The following RUFY1 variants were observed in gnomAD, a reference collection of about 807,000 sequenced individuals.
The protein encoded by RUFY1 is RUN and FYVE domain-containing protein 1.
RUFY1 carries 54 observed loss-of-function variants against 94.6 expected under a neutral mutation model. The observed-to-expected ratio is 0.57, with a 90% CI of 0.46 to 0.72. The LOEUF (loss-of-function observed/expected upper bound fraction) is 0.72, where lower values mean the gene tolerates loss of function less well. Ranked by LOEUF, RUFY1 falls within the 30% of genes least tolerant of loss-of-function variation. The probability of loss-of-function intolerance (pLI) is 0.00; values close to 1 mark genes in which losing one functional copy is unlikely to be tolerated. For synonymous variants in RUFY1, 396 were observed against 347.3 expected, an observed-to-expected ratio of 1.14 and a Z score of -1.56; for missense variants, 883 against 883.9, an observed-to-expected ratio of 1.00 and a Z score of 0.01.
At chr5:179,590,807 A>G (rs1266602294) in intron 9 of RUFY1, 1 of 151,174 alleles carries the variant, frequency 6.6e-6, no homozygotes, top group African/African-American at 2.4e-5. Flanking sequence ...TGTTTTAAAG[A>G]AAATTAAATT....
chr5:179,596,434 C>A, intron 12 of RUFY1, 128 bp from the exon 13 acceptor site: 1 of 1,179,468 alleles, frequency 8.5e-7, no homozygotes, highest in Non-Finnish European at 1.3e-6. Context: ...GCTGAATCTC[C>A]ACGTGTTAAA....
intron 10 of RUFY1, 60 bp from the exon 11 acceptor site, chr5:179,593,418 A>T (rs1581523648): frequency 2.6e-6 from 4 of 1,549,134 alleles, no homozygotes; most frequent in Non-Finnish European, 3.5e-6. Context: ...ATTCAACCCC[A>T]GTTAAATACA....
intron 17 of RUFY1, among the ~76,000 whole-genome samples, chr5:179,608,975 T>A (rs1362308762): frequency 6.7e-6 from 1 of 148,614 alleles, no homozygotes; most frequent in Non-Finnish European, 1.5e-5. Context: ...CCCAACACTT[T>A]GGGAGGCCAA....
chr5:179,562,489 TC>T, intron 2 of RUFY1, 57 bp from the exon 3 acceptor site: 1 of 934,354 alleles, frequency 1.1e-6, no homozygotes, highest in Non-Finnish European at 1.8e-6. Context: ...AGGCTGTGGG[TC>T]CCTGAAGAAA....
intron 15 of RUFY1, among the ~76,000 whole-genome samples, chr5:179,605,425 G>C (rs778188640): frequency 6.6e-6 from 1 of 152,238 alleles, no homozygotes; most frequent in African/African-American, 2.4e-5. Flanking sequence ...CAAGAATGGA[G>C]CAAGAACAAA....
chr5:179,602,223 C>T, intron 15 of RUFY1: 1 of 527,448 alleles, frequency 1.9e-6, no homozygotes, highest in Non-Finnish European at 3.4e-6. Context: ...ACGTTCATTC[C>T]TAGTGACCAG....
intron 8 of RUFY1, among the ~76,000 whole-genome samples, chr5:179,587,485 G>A (rs185695174): frequency 8.2e-5 from 12 of 146,994 alleles, no homozygotes; most frequent in South Asian, 6.5e-4. Context: ...TCCACCTCCC[G>A]GGTTCACGCC....
rs757541399 is a variant in RUFY1, at chr5:179,589,632, T to A, written c.1113T>A (p.Ser371Arg). The A allele has an allele frequency of 1.9e-6, 3 of 1,612,654 alleles. No homozygotes were observed. The East Asian group carries it at 6.7e-5, about 36-fold the overall frequency. The part of the protein sequence containing the change: ...REQNELIRER[S>R]EKSVEITKQD... ...AAAATGAATTAATTCGAGAAAGAAG[T>A]GAAAAGAGTGTAGAGGTGAGAAATT... The change falls in exon 9 of 18, where the codon AGT (serine) becomes AGA (arginine). Residue 371 changes from serine to arginine, a missense_variant. By Grantham distance (110) the Ser-to-Arg change is moderately radical. Transcript: ENST00000319449.
At chr5:179,574,575 C>T (rs1013429273) in intron 5 of RUFY1, among the ~76,000 whole-genome samples, 6 of 152,132 alleles carry the variant, frequency 3.9e-5, no homozygotes, top group Admixed American at 1.3e-4. Context: ...TAACTTTTAG[C>T]ATAGTTTTGA....
chr5:179,562,267 C>T (rs192147346), intron 2 of RUFY1, among the ~76,000 whole-genome samples: 282 of 151,960 alleles, frequency 1.9e-3, no homozygotes, highest in African/African-American at 6.6e-3. Flanking sequence ...CAAAATTAGC[C>T]CGGCGTTGTG....
chr5:179,600,224 G>C (rs899713750), intron 14 of RUFY1: 1 of 152,204 alleles, frequency 6.6e-6, no homozygotes, highest in Admixed American at 6.5e-5. Context: ...CAGAAGCTAC[G>C]GCACAGGGTG....
At chr5:179,567,622 G>A in intron 4 of RUFY1, 60 bp downstream of exon 4, 1 of 1,251,872 alleles carries the variant, frequency 8.0e-7, no homozygotes, top group Non-Finnish European at 1.2e-6. Flanking sequence ...ACATAGGCTG[G>A]GTGCGGTGGC....
At chr5:179,578,794 G>A (rs553037530) in intron 6 of RUFY1, among the ~76,000 whole-genome samples, 1 of 151,572 alleles carries the variant, frequency 6.6e-6, no homozygotes, top group South Asian at 2.1e-4. Context: ...ACAGACATGT[G>A]CCACCATGCC....
In RUFY1 at chr5:179,605,880, A is replaced by G; in HGVS notation, c.1861A>G (p.Lys621Glu). The G allele has an allele frequency of 1.9e-6, 3 of 1,605,368 alleles. No homozygotes were observed. Among genetic ancestry groups the G allele is most frequent in the Non-Finnish European group, 1.7e-6 (2 of 1,175,868 alleles). ...TGGCCTTTTTTTTTTCCTTAGGTCC[A>G]AGCTGAAGATGGAAGATATAAAAGA... The part of the protein sequence containing the change: ...QEMGLHLSQS[K>E]LKMEDIKEVN... Residue 621 changes from lysine to glutamate, a missense_variant, in exon 16 of 18, where the codon AAG becomes GAG. Lys to Glu is a moderately conservative substitution (Grantham distance 56). Transcript: ENST00000319449.
chr5:179,585,375 G>A (rs574284494), intron 7 of RUFY1, among the ~76,000 whole-genome samples: 79 of 152,088 alleles, frequency 5.2e-4, no homozygotes, highest in Non-Finnish European at 7.8e-4. Flanking sequence ...TCAGGAGTTC[G>A]AGACCAGCCT....
chr5:179,560,473 A>C (rs537210437), intron 2 of RUFY1, among the ~76,000 whole-genome samples: 1 of 152,008 alleles, frequency 6.6e-6, no homozygotes, highest in African/African-American at 2.4e-5. Context: ...TAATCCCAGC[A>C]CTTTGGGAGG....
At chr5:179,556,658 G>A (rs1463133074) in intron 1 of RUFY1, among the ~76,000 whole-genome samples, 1 of 152,002 alleles carries the variant, frequency 6.6e-6, no homozygotes, top group African/African-American at 2.4e-5. Flanking sequence ...ACGCCAGCAC[G>A]CCCAGCTAAG....
At chr5:179,604,190 C>G (rs1766773516) in intron 15 of RUFY1, among the ~76,000 whole-genome samples, 1 of 152,234 alleles carries the variant, frequency 6.6e-6, no homozygotes, top group Non-Finnish European at 1.5e-5. Context: ...GTCACAGCAT[C>G]AGGTGTTTGC....
At chr5:179,581,557 A>G (rs935876514) in intron 7 of RUFY1, among the ~76,000 whole-genome samples, 2 of 150,250 alleles carry the variant, frequency 1.3e-5, no homozygotes, top group African/African-American at 4.9e-5. Context: ...AGTCCCCTCT[A>G]GAGAGTACAT....
Sources: gnomAD v4.1 joint callset for allele counts (sites outside exome capture counted in the v4.1 genomes callset) on GRCh38, gnomAD v4.1.1 for gene constraint, MANE v1.5 for transcripts, NCBI Gene and HGNC (gene_info 2026-07-23, HGNC 2026-07-21) for gene names.